ARHGEF4: variants seen among roughly 807,000 people sequenced by gnomAD.
The protein encoded by ARHGEF4 is Rho guanine nucleotide exchange factor 4.
In ARHGEF4, 119 loss-of-function variants were observed where a neutral mutation model predicts 162.0. That is an observed-to-expected ratio of 0.73 (90% CI 0.63 to 0.86). ARHGEF4 has a LOEUF of 0.86. Ranked by LOEUF, ARHGEF4 falls within the 40% of genes least tolerant of loss-of-function variation. The pLI, the probability that ARHGEF4 is intolerant of heterozygous loss-of-function variation, is 0.00. For missense variants in ARHGEF4, 2,488 were observed against 2,456.0 expected, an observed-to-expected ratio of 1.01 and a Z score of -0.28; for synonymous variants, 1,014 against 979.9, an observed-to-expected ratio of 1.03 and a Z score of -0.65.
chr2:130,897,446 G>A (rs1392580349), intron 1 of ARHGEF4, among the ~76,000 whole-genome samples: 1 of 151,668 alleles, frequency 6.6e-6, no homozygotes, highest in Admixed American at 6.6e-5. Flanking sequence ...CCAGCGGTGA[G>A]CACTGCCCTA....
At chr2:130,906,344 C>T (rs1680810880) in intron 1 of ARHGEF4, among the ~76,000 whole-genome samples, 1 of 152,174 alleles carries the variant, frequency 6.6e-6, no homozygotes, top group African/African-American at 2.4e-5. Context: ...TATATATTAA[C>T]CCATATATAC....
chr2:131,002,327 C>T (rs1432450367), intron 4 of ARHGEF4, among the ~76,000 whole-genome samples: 4 of 152,062 alleles, frequency 2.6e-5, no homozygotes, highest in African/African-American at 9.7e-5. Context: ...CCTGTAATCC[C>T]AGCACTTTGG....
chr2:131,029,973 A>C (rs1167849680), intron 5 of ARHGEF4, among the ~76,000 whole-genome samples: 1 of 152,152 alleles, frequency 6.6e-6, no homozygotes, highest in African/African-American at 2.4e-5. Flanking sequence ...TGACCGTTTG[A>C]GCTGGTTCAC....
intron 4 of ARHGEF4, chr2:130,964,131 C>G: frequency 1.0e-6 from 1 of 980,070 alleles, no homozygotes; most frequent in Non-Finnish European, 1.2e-6. Context: ...CCGGGCTGTC[C>G]CCGGGCTCCG....
rs1246381626 is a variant in ARHGEF4, at chr2:131,045,816, C to A, written c.5480-222C>A. ...CACATGCCTTTGCACAGGCCACCCC[C>A]CTCTTCAGGCTGCTGCAGGAGGCCA... On this transcript the variant is annotated intron_variant, in intron 13 of 13. Transcript: ENST00000409359. The A allele has an allele frequency of 9.1e-6, 13 of 1,431,678 alleles. 1 individual carries two copies. The East Asian group carries it at 3.0e-4, about 33-fold the overall frequency. 88.7% of individuals were successfully genotyped at this position (1,431,678 alleles called of 1,614,324 possible).
intron 1 of ARHGEF4, among the ~76,000 whole-genome samples, chr2:130,866,427 C>T (rs1682284733): frequency 6.6e-6 from 1 of 152,090 alleles, no homozygotes; most frequent in African/African-American, 2.4e-5. Context: ...GGATTTTGGC[C>T]CACATGACCT....
At chr2:130,891,162 C>T (rs1020656843) in intron 1 of ARHGEF4, among the ~76,000 whole-genome samples, 2 of 152,104 alleles carry the variant, frequency 1.3e-5, no homozygotes, top group African/African-American at 2.4e-5. Context: ...GTGAGCTCCT[C>T]GAGGGCAGGG....
intron 1 of ARHGEF4, among the ~76,000 whole-genome samples, chr2:130,888,458 C>T (rs758021082): frequency 6.6e-6 from 1 of 151,708 alleles, no homozygotes; most frequent in Non-Finnish European, 1.5e-5. Flanking sequence ...CTGAGCGAGA[C>T]TCTGTCCCAA....
intron 4 of ARHGEF4, among the ~76,000 whole-genome samples, chr2:130,966,125 A>C (rs1198129307): frequency 3.3e-5 from 5 of 152,198 alleles, no homozygotes; most frequent in Non-Finnish European, 7.3e-5. Flanking sequence ...GTAACCAGCC[A>C]CAGAGGCACT....
intron 4 of ARHGEF4, among the ~76,000 whole-genome samples, chr2:131,027,016 A>G (rs1465130201): frequency 6.6e-6 from 1 of 152,196 alleles, no homozygotes; most frequent in East Asian, 1.9e-4. Flanking sequence ...AGGATTAGGA[A>G]AACAACGTGC....
intron 3 of ARHGEF4, among the ~76,000 whole-genome samples, chr2:130,943,575 G>A (rs1264569165): frequency 2.0e-5 from 3 of 151,910 alleles, no homozygotes; most frequent in Non-Finnish European, 4.4e-5. Context: ...CTTAGTTATT[G>A]AGCTTTTAAA....
chr2:130,942,192 C>T (rs554849924), intron 3 of ARHGEF4, among the ~76,000 whole-genome samples: 2 of 133,296 alleles, frequency 1.5e-5, no homozygotes, highest in African/African-American at 6.1e-5. Flanking sequence ...CTTTGTCACT[C>T]AGGCTGGAGT....
At chr2:130,938,790 C>G (rs1254268531) in intron 3 of ARHGEF4, among the ~76,000 whole-genome samples, 1 of 152,086 alleles carries the variant, frequency 6.6e-6, no homozygotes, top group Non-Finnish European at 1.5e-5. Context: ...GTGCTTTTGG[C>G]ATCATGTCTA....
At chr2:130,897,669 T>C (rs2105006252) in intron 1 of ARHGEF4, among the ~76,000 whole-genome samples, 1 of 152,378 alleles carries the variant, frequency 6.6e-6, no homozygotes, top group South Asian at 2.1e-4. Context: ...GCTGTTTGGT[T>C]GAACTCATAG....
chr2:131,044,618 C>T, intron 12 of ARHGEF4, 76 bp downstream of exon 12: 1 of 1,500,858 alleles, frequency 6.7e-7, no homozygotes, highest in Non-Finnish European at 8.9e-7. Flanking sequence ...GCCTGCCGGT[C>T]AGGAGAGCGC....
rs773406931 is a variant in ARHGEF4 at position 131,046,122 on chromosome 2, C to T, written c.5564C>T (p.Ala1855Val). 9.3e-6 allele frequency: 15 copies of T among 1,612,772 alleles called. No individual in the cohort carries two copies. Among genetic ancestry groups the T allele is most frequent in the South Asian group, 1.1e-5 (1 of 91,066 alleles). ...NRPQQQVLVL[A>V]EPRRKPSTFW... Reference sequence around the variant, plus strand: ...CCCCAGCAGCAGGTCCTGGTGCTGGCGGAGCCCAGGCGCAAGCCATCTACC... The same window carrying T: ...CCCCAGCAGCAGGTCCTGGTGCTGGTGGAGCCCAGGCGCAAGCCATCTACC... Residue 1855 changes from alanine to valine, a missense_variant, in exon 14 of 14, where the codon GCG becomes GTG. Transcript: ENST00000409359.
In ARHGEF4 at chr2:131,043,539, C is replaced by T. The variant is rs1690985599; in HGVS notation, c.5113C>T (p.Arg1705Ter). The change falls in exon 11 of 14, where the codon CGA becomes TGA. Residue 1705 changes from arginine to a stop codon, truncating the protein, a stop_gained. Transcript: ENST00000409359. LOFTEE classifies it high-confidence loss of function. ...ACAGCCTCAAGCCAAAAGCCAGCAG[C>T]GAATGTTCTTTCTCTTTGACCACCA... ...VTQPQAKSQQ[R>*]MFFLFDHQLI... 2 of 1,614,074 alleles carry T rather than the reference C, an allele frequency of 1.2e-6. No individual in the cohort carries two copies. Among genetic ancestry groups the T allele is most frequent in the Non-Finnish European group, 1.7e-6 (2 of 1,180,014 alleles).
intron 4 of ARHGEF4, among the ~76,000 whole-genome samples, chr2:130,973,819 A>C (rs2105227849): frequency 1.3e-5 from 2 of 152,312 alleles, no homozygotes; most frequent in South Asian, 4.1e-4. Context: ...CTGCAAGGTG[A>C]GAGAATAGAT....
intron 1 of ARHGEF4, among the ~76,000 whole-genome samples, chr2:130,870,192 C>T (rs1559010305): frequency 6.6e-6 from 1 of 152,152 alleles, no homozygotes; most frequent in Non-Finnish European, 1.5e-5. Flanking sequence ...GTTGCTTTTC[C>T]CTCTTGTGGC....
Sources: gnomAD v4.1 joint callset for allele counts (sites outside exome capture counted in the v4.1 genomes callset) on GRCh38, gnomAD v4.1.1 for gene constraint, MANE v1.5 for transcripts, NCBI Gene and HGNC (gene_info 2026-07-23, HGNC 2026-07-21) for gene names.